KCND2: variants seen among roughly 807,000 people sequenced by gnomAD.
KCND2 encodes potassium voltage-gated channel subfamily D member 2.
In KCND2, 16 loss-of-function variants were observed where a neutral mutation model predicts 54.4. That is an observed-to-expected ratio of 0.29 (90% confidence interval 0.20 to 0.45). KCND2 has a LOEUF of 0.45. KCND2 is among the 20% of genes least tolerant of loss of function. The pLI, the probability that KCND2 is intolerant of heterozygous loss-of-function variation, is 1.00. For synonymous variants in KCND2, 317 were observed against 310.7 expected (o/e 1.02, Z -0.21); for missense variants, 486 against 824.2 (o/e 0.59, Z 5.02).
chr7:120,421,489 G>A (rs1393687195), intron 1 of KCND2, among the ~76,000 whole-genome samples: 3 of 152,200 alleles, frequency 2.0e-5, no homozygotes, highest in Admixed American at 1.3e-4. Flanking sequence ...ATTCATTGCA[G>A]TGCTATTTTG....
intron 1 of KCND2, among the ~76,000 whole-genome samples, chr7:120,609,819 A>G (rs1279099715): frequency 3.9e-5 from 6 of 152,118 alleles, no homozygotes; most frequent in Non-Finnish European, 7.4e-5. Context: ...TGAGCTTTCA[A>G]CCAAGTGTGG....
At chr7:120,286,887 A>G in intron 1 of KCND2, among the ~76,000 whole-genome samples, 1 of 152,096 alleles carries the variant, frequency 6.6e-6, no homozygotes, top group East Asian at 1.9e-4. Flanking sequence ...GCAAGCATCA[A>G]GTATTAAAGG....
chr7:120,310,688 G>A (rs1278025090), intron 1 of KCND2, among the ~76,000 whole-genome samples: 1 of 152,124 alleles, frequency 6.6e-6, no homozygotes, highest in Non-Finnish European at 1.5e-5. Context: ...GCTCATCCCA[G>A]CACTTTGGGA....
At chr7:120,498,378 G>A (rs562394857) in intron 1 of KCND2, among the ~76,000 whole-genome samples, 1 of 134,730 alleles carries the variant, frequency 7.4e-6, no homozygotes, top group Non-Finnish European at 1.5e-5. Context: ...TACTCAGGAT[G>A]CTGAGGCAGG....
chr7:120,742,713 C>A, intron 4 of KCND2, 111 bp downstream of exon 4: 1 of 856,600 alleles, frequency 1.2e-6, no homozygotes, highest in Non-Finnish European at 2.0e-6. Context: ...TACTGGAAAA[C>A]ATGCTAAAAA....
intron 1 of KCND2, among the ~76,000 whole-genome samples, chr7:120,717,182 T>C (rs1462980603): frequency 2.6e-5 from 4 of 152,108 alleles, no homozygotes; most frequent in East Asian, 1.9e-4. Flanking sequence ...TAGGCTACTA[T>C]TGACCTTCTA....
chr7:120,351,412 A>ACACACACACTCT (rs1239086324), intron 1 of KCND2, among the ~76,000 whole-genome samples: 2 of 99,786 alleles, frequency 2.0e-5, no homozygotes, highest in African/African-American at 3.7e-5. Context: ...ACACACACAC[A>ACACACACACTCT]CTCTCTCTCT....
chr7:120,466,939 T>G (rs1300746253), intron 1 of KCND2, among the ~76,000 whole-genome samples: 1 of 152,150 alleles, frequency 6.6e-6, no homozygotes, highest in Non-Finnish European at 1.5e-5. Flanking sequence ...CATTTCAACC[T>G]CTGTGTCCAC....
chr7:120,475,771 G>C (rs1052636625), intron 1 of KCND2, among the ~76,000 whole-genome samples: 4 of 152,168 alleles, frequency 2.6e-5, no homozygotes, highest in Non-Finnish European at 4.4e-5. Context: ...TACAAAGTGT[G>C]TAATGCTGTG....
chr7:120,468,447 C>T (rs529096389), intron 1 of KCND2, among the ~76,000 whole-genome samples: 1 of 152,072 alleles, frequency 6.6e-6, no homozygotes, highest in South Asian at 2.1e-4. Context: ...TTATGTTAAC[C>T]ATGATGTAGA....
intron 1 of KCND2, among the ~76,000 whole-genome samples, chr7:120,342,756 T>G (rs1357497857): frequency 6.6e-6 from 1 of 152,156 alleles, no homozygotes; most frequent in Non-Finnish European, 1.5e-5. Context: ...AGAATGCATA[T>G]AATATAATAA....
At chr7:120,586,169 A>T (rs1792598096) in intron 1 of KCND2, among the ~76,000 whole-genome samples, 1 of 148,120 alleles carries the variant, frequency 6.8e-6, no homozygotes, top group Non-Finnish European at 1.5e-5. Flanking sequence ...ACACACAGAC[A>T]CACACACACA....
intron 1 of KCND2, among the ~76,000 whole-genome samples, chr7:120,627,349 T>C (rs1001771931): frequency 1.3e-5 from 2 of 152,190 alleles, no homozygotes; most frequent in Non-Finnish European, 1.5e-5. Flanking sequence ...TATTCTTTGC[T>C]AAAAGGAATA....
Position 120,337,402 on chromosome 7 carries a change from A to G in KCND2, c.1115+61655A>G, listed in dbSNP as rs531697540. On this transcript the variant is annotated intron_variant, in intron 1 of 5. Transcript: ENST00000331113. Reference sequence around the variant, plus strand: ...GTAAAAACATCAGGGCCTAGCAAAGATTTTGTTTAGTGAGCCTCTGTCAGC... The same window carrying G: ...GTAAAAACATCAGGGCCTAGCAAAGGTTTTGTTTAGTGAGCCTCTGTCAGC... 1.9e-4 allele frequency among the ~76,000 whole-genome samples: 29 copies of G among 152,258 alleles called. 1 individual carries two copies. The South Asian group carries it at 4.8e-3, about 25-fold the overall frequency.
chr7:120,497,458 C>T (rs1802866240), intron 1 of KCND2, among the ~76,000 whole-genome samples: 1 of 152,176 alleles, frequency 6.6e-6, no homozygotes, highest in African/African-American at 2.4e-5. Flanking sequence ...AGTTATATTT[C>T]ATAAGATTAG....
chr7:120,677,422 G>C (rs112269181), intron 1 of KCND2, among the ~76,000 whole-genome samples: 17 of 152,022 alleles, frequency 1.1e-4, no homozygotes, highest in African/African-American at 4.1e-4. Context: ...AGTCCCAAAG[G>C]TTCCATATCC....
intron 1 of KCND2, among the ~76,000 whole-genome samples, chr7:120,433,550 T>C (rs1801823689): frequency 6.6e-6 from 1 of 152,192 alleles, no homozygotes; most frequent in Non-Finnish European, 1.5e-5. Flanking sequence ...TATAAGCCTG[T>C]CTTGAACTTA....
At chr7:120,472,770 G>A (rs968480149) in intron 1 of KCND2, among the ~76,000 whole-genome samples, 1 of 152,144 alleles carries the variant, frequency 6.6e-6, no homozygotes, top group African/African-American at 2.4e-5. Context: ...ATGGCAGATC[G>A]AGGATTGGCA....
At chr7:120,281,801 C>G (rs1302826822) in intron 1 of KCND2, among the ~76,000 whole-genome samples, 1 of 152,134 alleles carries the variant, frequency 6.6e-6, no homozygotes, top group African/African-American at 2.4e-5. Flanking sequence ...CCATGGAGAG[C>G]TCCTTAGCCA....
Sources: allele counts gnomAD v4.1 joint callset (sites outside exome capture counted in the v4.1 genomes callset), GRCh38; gene constraint gnomAD v4.1.1; transcripts MANE v1.5; gene names NCBI Gene and HGNC (gene_info 2026-07-23, HGNC 2026-07-21).